The following ZNF90 variants were observed in gnomAD, a reference collection of about 807,000 sequenced individuals.
ZNF90 encodes the protein zinc finger protein 90.
In ZNF90, 11 loss-of-function variants were observed where a neutral mutation model predicts 12.0. The observed-to-expected ratio is 0.92, with a 90% CI of 0.58 to 1.52. The LOEUF (loss-of-function observed/expected upper bound fraction) is 1.52, where lower values mean the gene tolerates loss of function less well. Ranked by LOEUF, ZNF90 falls within the 40% of genes most tolerant of loss-of-function variation. ZNF90 has a pLI of 0.00. For missense variants in ZNF90, 765 were observed against 711.5 expected, an observed-to-expected ratio of 1.08 and a Z score of -0.86; for synonymous variants, 232 against 240.1, an observed-to-expected ratio of 0.97 and a Z score of 0.31.
chr19:20,110,151 A>G (rs2089074398), intron 3 of ZNF90, among the ~76,000 whole-genome samples: 1 of 152,296 alleles, frequency 6.6e-6, no homozygotes, highest in South Asian at 2.1e-4. Context: ...CATTGTATGT[A>G]TATGTTACTT....
At position 20,119,246 on chromosome 19, in the gene ZNF90, C is replaced by G. The variant is rs1555706300; in HGVS notation, c.1692C>G (p.Pro564=). The stretch of plus-strand genomic sequence containing the variant: ...AGATAAGTCATACTGGAGAGAAACC[C>G]TACAAATGTGAAGAATGTGGCAAAG... ...SHKISHTGEK[P]YKCEECGKAF... Residue 564 remains proline, a synonymous_variant, in exon 4 of 4, where the codon CCC becomes CCG. Coordinates refer to ENST00000418063, the MANE Select transcript of ZNF90 (RefSeq NM_007138.2). 16 of 1,613,756 alleles carry G rather than the reference C, an allele frequency of 9.9e-6. No individual in the cohort carries two copies. Among genetic ancestry groups the G allele is most frequent in the East Asian group, 2.2e-5 (1 of 44,888 alleles).
intron 3 of ZNF90, among the ~76,000 whole-genome samples, chr19:20,111,946 C>G (rs1555705187): frequency 6.6e-6 from 1 of 151,784 alleles, no homozygotes; most frequent in Non-Finnish European, 1.5e-5. Context: ...GCAACATCTG[C>G]CTCCCAGGTT....
intron 1 of ZNF90, among the ~76,000 whole-genome samples, chr19:20,102,325 AC>A (rs2088996145): frequency 6.6e-6 from 1 of 152,128 alleles, no homozygotes; most frequent in African/African-American, 2.4e-5. Flanking sequence ...ACTCCTACTC[AC>A]CTGACTTATA....
At chr19:20,102,279 G>A (rs985432723) in intron 1 of ZNF90, among the ~76,000 whole-genome samples, 1 of 152,082 alleles carries the variant, frequency 6.6e-6, no homozygotes, top group African/African-American at 2.4e-5. Flanking sequence ...ATTTAGGGTC[G>A]TTAGTCATCC....
intron 1 of ZNF90, among the ~76,000 whole-genome samples, chr19:20,097,152 A>C (rs1555703360): frequency 1.3e-5 from 2 of 152,154 alleles, no homozygotes. Flanking sequence ...TGTCACACTT[A>C]ATTGTGTAAT....
Position 20,118,955 on chromosome 19 carries a change from C to T in ZNF90, c.1401C>T (p.Asn467=), listed in dbSNP as rs879959190. 1 of 1,610,592 alleles carries T rather than the reference C, an allele frequency of 6.2e-7. No individual in the cohort carries two copies. Among genetic ancestry groups the T allele is most frequent in the East Asian group, 2.2e-5 (1 of 44,756 alleles). The part of the protein sequence containing the change: ...ECGKAFKRSS[N]LTTHKISHTE... ...GCAAAGCCTTCAAGCGCTCCTCAAA[C>T]CTTACTACACATAAGATAAGTCATA... The change falls in exon 4 of 4, where the codon AAC becomes AAT. Residue 467 remains asparagine (N), a synonymous_variant. Transcript: ENST00000418063.
At chr19:20,095,403 T>C (rs2088935507) in intron 1 of ZNF90, among the ~76,000 whole-genome samples, 1 of 151,646 alleles carries the variant, frequency 6.6e-6, no homozygotes, top group Admixed American at 6.6e-5. Flanking sequence ...CAGGTGTGAG[T>C]TGAAGAGGTT....
At chr19:20,079,869 C>T (rs1479421706) in intron 1 of ZNF90, 2 of 408,696 alleles carry the variant, frequency 4.9e-6, no homozygotes, top group Admixed American at 3.4e-5. Context: ...CAAGAAGCTG[C>T]CCTGCTGGAA....
At position 20,117,918 on chromosome 19, in the gene ZNF90, G is replaced by A. The variant is rs1555705873; in HGVS notation, c.364G>A (p.Glu122Lys). ...ELKKGCESVD[E>K]GKVHKRGYNG... ...AAAAAAAGGTTGTGAAAGTGTGGAT[G>A]AGGGTAAAGTACACAAAAGAGGTTA... is the stretch of plus-strand genomic sequence containing the variant. The change falls in exon 4 of 4, where the codon GAG becomes AAG. Residue 122 changes from glutamate (E) to lysine (K), a missense_variant. Transcript: ENST00000418063. 3 of 1,613,134 alleles carry A rather than the reference G, an allele frequency of 1.9e-6. No homozygotes were observed. The highest frequency in any genetic ancestry group is 2.5e-6 in the Non-Finnish European group (3 of 1,179,686).
At chr19:20,106,547 A>G (rs1028756092) in intron 3 of ZNF90, among the ~76,000 whole-genome samples, 10 of 152,150 alleles carry the variant, frequency 6.6e-5, no homozygotes, top group Non-Finnish European at 1.0e-4. Flanking sequence ...TCCGCCTCCC[A>G]GGTTCACGCC....
chr19:20,109,457 T>C (rs1350155141), intron 3 of ZNF90, among the ~76,000 whole-genome samples: 2 of 152,114 alleles, frequency 1.3e-5, no homozygotes, highest in Non-Finnish European at 2.9e-5. Context: ...AGAAACACTT[T>C]TGTGATCTGA....
intron 1 of ZNF90, among the ~76,000 whole-genome samples, chr19:20,091,721 A>G (rs1568284378): frequency 6.6e-6 from 1 of 152,232 alleles, no homozygotes; most frequent in Non-Finnish European, 1.5e-5. Flanking sequence ...AGAGGCATTA[A>G]TGATGGAGGA....
chr19:20,092,145 T>G (rs1555702802), intron 1 of ZNF90, among the ~76,000 whole-genome samples: 1 of 151,970 alleles, frequency 6.6e-6, no homozygotes, highest in East Asian at 1.9e-4. Context: ...CCAGGAACAA[T>G]GGTAATTGTG....
chr19:20,094,196 A>T (rs966802189), intron 1 of ZNF90, among the ~76,000 whole-genome samples: 1 of 152,218 alleles, frequency 6.6e-6, no homozygotes, highest in Non-Finnish European at 1.5e-5. Context: ...AGTAGGGGCA[A>T]GTAACTGTAA....
chr19:20,113,776 G>C lies in ZNF90; in HGVS notation c.227-4005G>C, dbSNP rs569282775. ...CCGGGAGGCAGAGCTTGCAGTGAGC[G>C]GAGATCGCGCCACTGCACTCCAGCC... On this transcript the variant is annotated intron_variant, in intron 3 of 3. Coordinates refer to ENST00000418063, the MANE Select transcript of ZNF90 (RefSeq NM_007138.2). Among the ~76,000 whole-genome samples the C allele has an allele frequency of 3.1e-3, 469 of 151,992 alleles. 1 individual carries two copies. Among genetic ancestry groups the C allele is most frequent in the Non-Finnish European group, 5.1e-3 (349 of 67,970 alleles).
chr19:20,110,317 T>G (rs553160588), intron 3 of ZNF90, among the ~76,000 whole-genome samples: 6 of 152,226 alleles, frequency 3.9e-5, no homozygotes, highest in Admixed American at 3.3e-4. Flanking sequence ...CTTGCTCTGT[T>G]GCCCAGGCTG....
intron 1 of ZNF90, among the ~76,000 whole-genome samples, chr19:20,093,947 G>A (rs148285234): frequency 6.6e-6 from 1 of 152,208 alleles, no homozygotes; most frequent in South Asian, 2.1e-4. Flanking sequence ...TAGAGCTTTA[G>A]GGGTTCTAGG....
rs150667506 is a variant in ZNF90, at chr19:20,081,796, G to A, written c.3+3661G>A. 4.0e-3 allele frequency among the ~76,000 whole-genome samples: 576 copies of A among 145,022 alleles called. 5 individuals are homozygous for A. The highest frequency in any genetic ancestry group is 0.014 in the African/African-American group (549 of 38,926). On this transcript the variant is annotated intron_variant, in intron 1 of 3. Transcript: ENST00000418063. ...TTTTTTTTTTTTGAGATGGCGTCTC[G>A]CTCTGTCATCCAGGCTGGAGTGCAG...
Position 20,078,092 on chromosome 19 carries a change from A to G in ZNF90, c.-41A>G, listed in dbSNP as rs773816931. 3 of 1,613,840 alleles carry G rather than the reference A, an allele frequency of 1.9e-6. No individual in the cohort carries two copies. The highest frequency in any genetic ancestry group is 1.3e-5 in the African/African-American group (1 of 74,892). On this transcript the variant is annotated 5_prime_UTR_variant, in exon 1 of 4. Transcript: ENST00000418063. Reference sequence around the variant, plus strand: ...CTCTGTGGCCCTGTGACCTGCAGGTATTGGGAGATCCACAGCTGAGGGACC... The same window carrying G: ...CTCTGTGGCCCTGTGACCTGCAGGTGTTGGGAGATCCACAGCTGAGGGACC...
Sources: allele counts gnomAD v4.1 joint callset (sites outside exome capture counted in the v4.1 genomes callset), GRCh38; gene constraint gnomAD v4.1.1; transcripts MANE v1.5; gene names NCBI Gene and HGNC (gene_info 2026-07-23, HGNC 2026-07-21).